HNRNPA0: variants seen among roughly 807,000 people sequenced by gnomAD.
HNRNPA0 encodes the protein hnRNA binding protein.
For synonymous variants in HNRNPA0, 243 were observed against 195.5 expected (o/e 1.24, Z -2.03); for missense variants, 252 against 433.7 (o/e 0.58, Z 3.72).
In HNRNPA0 at chr5:137,747,959, A is replaced by C. The variant is rs1031916616; in HGVS notation, c.*5190T>G. On this transcript the variant is annotated 3_prime_UTR_variant, in exon 1 of 1. Coordinates refer to ENST00000314940, the MANE Select transcript of HNRNPA0 (RefSeq NM_006805.4). ...GGAGCGAAACAACTAGAATTGGTCA[A>C]ACTTGGATTCAACTCTCAGTTCTAC... The C allele has an allele frequency of 6.6e-6, 1 of 152,200 alleles. No homozygotes were observed. Among genetic ancestry groups the C allele is most frequent in the Non-Finnish European group, 1.5e-5 (1 of 68,032 alleles). The allele number at this position is 152,200 out of a possible 1,614,324, so 9.4% of individuals were successfully genotyped here. A position where few individuals can be genotyped will look rare whatever the true frequency, so the allele number is the denominator to read the frequency against.
Position 137,753,200 on chromosome 5 carries a change from A to G in HNRNPA0, c.867T>C (p.Pro289=). 1 of 1,613,420 alleles carries G rather than the reference A, an allele frequency of 6.2e-7. No individual in the cohort carries two copies. Among genetic ancestry groups the G allele is most frequent in the Non-Finnish European group, 8.5e-7 (1 of 1,179,852 alleles). ...CCCCACCGCCATAGCCGCCTCTGTA[A>G]GGTCCACTATTACTGCGACCGCCCC... ...SSWGGRSNSG[P]YRGGYGGGGG... Residue 289 remains proline (P), a synonymous_variant, in exon 1 of 1, where the codon CCT becomes CCC. Transcript: ENST00000314940. This position sits in a 1 kb window ranked among gnomAD's most constrained non-coding sequence, Gnocchi z 6.1.
In HNRNPA0 at chr5:137,753,157, A is replaced by T. The variant is rs535021229; in HGVS notation, c.910T>A (p.Ser304Thr). Reference sequence around the variant, plus strand: ...GCATTTTAAATTTTCTTTTAGAAGGAGCTGCCTCCATAGCCACCCCCACCG... The same window carrying T: ...GCATTTTAAATTTTCTTTTAGAAGGTGCTGCCTCCATAGCCACCCCCACCG... ...YGGGGGYGGS[S>T]F The change falls in exon 1 of 1, where the codon TCC becomes ACC. Residue 304 changes from serine to threonine, a missense_variant. By Grantham distance (58) the Ser-to-Thr change is moderately conservative. Coordinates refer to ENST00000314940, the MANE Select transcript of HNRNPA0 (RefSeq NM_006805.4). The surrounding 1 kb of genome is among the most constrained non-coding windows in gnomAD (Gnocchi z 6.1). 1.2e-6 allele frequency: 2 copies of T among 1,612,582 alleles called. No homozygotes were observed. The highest frequency in any genetic ancestry group is 1.7e-5 in the Admixed American group (1 of 59,926).
Position 137,751,076 on chromosome 5 carries a change from C to T in HNRNPA0, c.*2073G>A, listed in dbSNP as rs1753488426. The stretch of plus-strand genomic sequence containing the variant: ...AGTAGCCCACATGTAATTTGTGTAT[C>T]ACTAGAATTAAAAAATAAGACAGAA... On this transcript the variant is annotated 3_prime_UTR_variant, in exon 1 of 1. Transcript: ENST00000314940. 1 of 152,020 alleles carries T rather than the reference C, an allele frequency of 6.6e-6. No individual in the cohort carries two copies. Among genetic ancestry groups the T allele is most frequent in the African/African-American group, 2.4e-5 (1 of 41,370 alleles). The allele number at this position is 152,020 out of a possible 1,614,324, so 9.4% of individuals were successfully genotyped here.
Position 137,754,223 on chromosome 5 carries a change from G to A in HNRNPA0, c.-157C>T. 5 of 979,914 alleles carry A rather than the reference G, an allele frequency of 5.1e-6. No individual in the cohort carries two copies. In the South Asian group the frequency reaches 7.2e-5, roughly 14 times the overall value. The allele number at this position is 979,914 out of a possible 1,614,324, so 60.7% of individuals were successfully genotyped here. On this transcript the variant is annotated 5_prime_UTR_variant, in exon 1 of 1. Transcript: ENST00000314940. ...GGGAAGGGAAAAAGGGAAGGGGAGGGAAGGAAGGAAGAGAGGAAGGGGGAG... is the reference window on the plus strand; with the variant it reads ...GGGAAGGGAAAAAGGGAAGGGGAGGAAAGGAAGGAAGAGAGGAAGGGGGAG...
In HNRNPA0 at chr5:137,753,180, C is replaced by A; in HGVS notation, c.887G>T (p.Gly296Val). The change falls in exon 1 of 1, where the codon GGT (glycine) becomes GTT (valine). Residue 296 changes from glycine to valine, a missense_variant. Coordinates refer to ENST00000314940, the MANE Select transcript of HNRNPA0 (RefSeq NM_006805.4). The surrounding 1 kb of genome is among the most constrained non-coding windows in gnomAD (Gnocchi z 6.1). ...NSGPYRGGYG[G>V]GGGYGGSSF ...GGAGCTGCCTCCATAGCCACCCCCA[C>A]CGCCATAGCCGCCTCTGTAAGGTCC... 8 of 1,613,456 alleles carry A rather than the reference C, an allele frequency of 5.0e-6. No homozygotes were observed. Among genetic ancestry groups the A allele is most frequent in the South Asian group, 4.4e-5 (4 of 91,072 alleles).
In HNRNPA0 at chr5:137,751,798, C is replaced by T. The variant is rs1561629242; in HGVS notation, c.*1351G>A. 1 of 152,634 alleles carries T rather than the reference C, an allele frequency of 6.6e-6. No individual in the cohort carries two copies. The highest frequency in any genetic ancestry group is 1.5e-5 in the Non-Finnish European group (1 of 68,042). The allele number at this position is 152,634 out of a possible 1,614,324, so 9.5% of individuals were successfully genotyped here. A position where few individuals can be genotyped will look rare whatever the true frequency, so the allele number is the denominator to read the frequency against. ...AAAATACCAGTATACGTAGCTGGTT[C>T]ATTAGTTGTCATAGCAATTTAGGGC... is the stretch of plus-strand genomic sequence containing the variant. On this transcript the variant is annotated 3_prime_UTR_variant, in exon 1 of 1. Coordinates refer to ENST00000314940, the MANE Select transcript of HNRNPA0 (RefSeq NM_006805.4).
rs955757713 is a variant in HNRNPA0, at chr5:137,748,794, A to T, written c.*4355T>A. On this transcript the variant is annotated 3_prime_UTR_variant, in exon 1 of 1. Transcript: ENST00000314940. ...ATGAAGCAAATTACATTTGCAACGT[A>T]AGCATCAAAGACAAAATACACCTTT... The T allele has an allele frequency of 6.6e-6, 1 of 152,190 alleles. No individual in the cohort carries two copies. The allele number at this position is 152,190 out of a possible 1,614,324, so 9.4% of individuals were successfully genotyped here. A position where few individuals can be genotyped will look rare whatever the true frequency, so the allele number is the denominator to read the frequency against.
Position 137,754,301 on chromosome 5 carries a change from C to G in HNRNPA0, c.-235G>C, listed in dbSNP as rs1039098194. On this transcript the variant is annotated 5_prime_UTR_variant, in exon 1 of 1. Coordinates refer to ENST00000314940, the MANE Select transcript of HNRNPA0 (RefSeq NM_006805.4). ...CGAGCCGAGGAGACTGGAAGACAAC[C>G]AAGGCCACCGCTACCGCCGCCGCCG... 1.4e-5 allele frequency: 8 copies of G among 559,162 alleles called. No individual in the cohort carries two copies. Among genetic ancestry groups the G allele is most frequent in the African/African-American group, 1.3e-4 (7 of 53,136 alleles). 34.6% of individuals were successfully genotyped at this position (559,162 alleles called of 1,614,324 possible). A position where few individuals can be genotyped will look rare whatever the true frequency, so the allele number is the denominator to read the frequency against.
In HNRNPA0 at chr5:137,753,369, G is replaced by C; in HGVS notation, c.698C>G (p.Ala233Gly). ...CGAACCGCCGCCGCCGCCTCCGTAG[G>C]CATTGTAGCCGCCGCCTCCGCCGCC... The part of the protein sequence containing the change: ...YGGGGGGGYN[A>G]YGGGGGGSSY... Residue 233 changes from alanine to glycine, a missense_variant, in exon 1 of 1, where the codon GCC (alanine) becomes GGC (glycine). Coordinates refer to ENST00000314940, the MANE Select transcript of HNRNPA0 (RefSeq NM_006805.4). The surrounding 1 kb of genome is among the most constrained non-coding windows in gnomAD (Gnocchi z 6.1). 1 of 1,544,904 alleles carries C rather than the reference G, an allele frequency of 6.5e-7. No homozygotes were observed. Among genetic ancestry groups the C allele is most frequent in the Non-Finnish European group, 8.7e-7 (1 of 1,145,138 alleles).
In HNRNPA0 at chr5:137,753,311, G is replaced by T. The variant is rs772116706; in HGVS notation, c.756C>A (p.Phe252Leu). 1.3e-6 allele frequency: 2 copies of T among 1,568,814 alleles called. No individual in the cohort carries two copies. Among genetic ancestry groups the T allele is most frequent in the Non-Finnish European group, 1.7e-6 (2 of 1,157,558 alleles). The change falls in exon 1 of 1, where the codon TTC (phenylalanine) becomes TTA (leucine). Residue 252 changes from phenylalanine to leucine, a missense_variant. Transcript: ENST00000314940. The surrounding 1 kb of genome is among the most constrained non-coding windows in gnomAD (Gnocchi z 6.1). ...SYGGSDYGNG[F>L]GGFGSYSQHQ... ...GCTGGCTGTAGCTGCCGAAGCCGCC[G>T]AAGCCGTTACCGTAGTCGCTCCCAC...
chr5:137,754,191 A>C lies in HNRNPA0; in HGVS notation c.-125T>G. On this transcript the variant is annotated 5_prime_UTR_variant, in exon 1 of 1. Transcript: ENST00000314940. ...GTTGCTGGAGCCACCCCCGCCGCTC[A>C]CCGACGGGGAAGGGAAAAAGGGAAG... 1 of 1,278,092 alleles carries C rather than the reference A, an allele frequency of 7.8e-7. No homozygotes were observed. Among genetic ancestry groups the C allele is most frequent in the Non-Finnish European group, 1.1e-6 (1 of 948,936 alleles). The allele number at this position is 1,278,092 out of a possible 1,614,324, so 79.2% of individuals were successfully genotyped here. A position where few individuals can be genotyped will look rare whatever the true frequency, so the allele number is the denominator to read the frequency against.
rs1435831982 is a variant in HNRNPA0, at chr5:137,751,232, T to G, written c.*1917A>C. 1 of 150,854 alleles carries G rather than the reference T, an allele frequency of 6.6e-6. No individual in the cohort carries two copies. Among genetic ancestry groups the G allele is most frequent in the Non-Finnish European group, 1.5e-5 (1 of 67,818 alleles). The allele number at this position is 150,854 out of a possible 1,614,324, so 9.3% of individuals were successfully genotyped here. On this transcript the variant is annotated 3_prime_UTR_variant, in exon 1 of 1. Coordinates refer to ENST00000314940, the MANE Select transcript of HNRNPA0 (RefSeq NM_006805.4). ...TGTACCAACCATCCGCTACCCTTTG[T>G]CAAAATGACTACTGAGCAGCTATAA...
Position 137,753,566 on chromosome 5 carries a change from G to C in HNRNPA0, c.501C>G (p.Arg167=). The change falls in exon 1 of 1, where the codon CGC becomes CGG. Residue 167 remains arginine (R), a synonymous_variant. Coordinates refer to ENST00000314940, the MANE Select transcript of HNRNPA0 (RefSeq NM_006805.4). This position sits in a 1 kb window ranked among gnomAD's most constrained non-coding sequence, Gnocchi z 6.1. The part of the protein sequence containing the change: ...VVKFHPIQGH[R]VEVKKAVPKE... Reference sequence around the variant, plus strand: ...TGGGGACTGCTTTCTTCACCTCCACGCGATGGCCCTGAATCGGATGGAACT... The same window carrying C: ...TGGGGACTGCTTTCTTCACCTCCACCCGATGGCCCTGAATCGGATGGAACT... 1 of 1,613,514 alleles carries C rather than the reference G, an allele frequency of 6.2e-7. No homozygotes were observed. The highest frequency in any genetic ancestry group is 8.5e-7 in the Non-Finnish European group (1 of 1,179,576).
rs776575652 is a variant in HNRNPA0 at position 137,750,528 on chromosome 5, A to G, written c.*2621T>C. 9 of 152,164 alleles carry G rather than the reference A, an allele frequency of 5.9e-5. No individual in the cohort carries two copies. The highest frequency in any genetic ancestry group is 1.0e-4 in the Non-Finnish European group (7 of 68,000). The allele number at this position is 152,164 out of a possible 1,614,324, so 9.4% of individuals were successfully genotyped here. On this transcript the variant is annotated 3_prime_UTR_variant, in exon 1 of 1. Transcript: ENST00000314940. The stretch of plus-strand genomic sequence containing the variant: ...AATTATATTCAACACTAGGTTCTGT[A>G]CCACCTGCTCCCATGAACTCTTAAA...
Position 137,751,142 on chromosome 5 carries a change from G to C in HNRNPA0, c.*2007C>G, listed in dbSNP as rs1753490312. ...ACAACTATTTGAGAGCAAAGGATTT[G>C]ACTATGTATTACCTCAATGTGTAAA... On this transcript the variant is annotated 3_prime_UTR_variant, in exon 1 of 1. Transcript: ENST00000314940. 6.6e-6 allele frequency: 1 copy of C among 152,076 alleles called. No individual in the cohort carries two copies. Among genetic ancestry groups the C allele is most frequent in the African/African-American group, 2.4e-5 (1 of 41,408 alleles). The allele number at this position is 152,076 out of a possible 1,614,324, so 9.4% of individuals were successfully genotyped here. A position where few individuals can be genotyped will look rare whatever the true frequency, so the allele number is the denominator to read the frequency against.
At position 137,747,183 on chromosome 5, in the gene HNRNPA0, C is replaced by T. The variant is rs758224972; in HGVS notation, c.*5966G>A. ...AGCTGTGGCCACTCACAATCTCTTG[C>T]TAAGTATATGAGAAAGAGAAGGAGC... On this transcript the variant is annotated 3_prime_UTR_variant, in exon 1 of 1. Transcript: ENST00000314940. 1.3e-5 allele frequency: 2 copies of T among 152,158 alleles called. No individual in the cohort carries two copies. The highest frequency in any genetic ancestry group is 4.8e-5 in the African/African-American group (2 of 41,414). The allele number at this position is 152,158 out of a possible 1,614,324, so 9.4% of individuals were successfully genotyped here.
In HNRNPA0 at chr5:137,753,063, AG is replaced by A; in HGVS notation, c.*85del. On this transcript the variant is annotated 3_prime_UTR_variant, in exon 1 of 1. Coordinates refer to ENST00000314940, the MANE Select transcript of HNRNPA0 (RefSeq NM_006805.4). The surrounding 1 kb of genome is among the most constrained non-coding windows in gnomAD (Gnocchi z 6.1). Reference sequence around the variant, plus strand: ...CAAAACAGGGAAGGCGGTGTGTGTGAGGGGGTGGGGCTTAGGAGTTGACCCC... The same window carrying A: ...CAAAACAGGGAAGGCGGTGTGTGTGAGGGGTGGGGCTTAGGAGTTGACCCC... 1.4e-6 allele frequency: 2 copies of A among 1,394,772 alleles called. No homozygotes were observed. Among genetic ancestry groups the A allele is most frequent in the Admixed American group, 2.1e-5 (1 of 46,570 alleles). 86.4% of individuals were successfully genotyped at this position (1,394,772 alleles called of 1,614,324 possible). A position where few individuals can be genotyped will look rare whatever the true frequency, so the allele number is the denominator to read the frequency against.
Position 137,752,959 on chromosome 5 carries a change from G to A in HNRNPA0, c.*190C>T, listed in dbSNP as rs1420728514. 1 of 556,308 alleles carries A rather than the reference G, an allele frequency of 1.8e-6. No individual in the cohort carries two copies. Among genetic ancestry groups the A allele is most frequent in the Non-Finnish European group, 3.1e-6 (1 of 319,290 alleles). 34.5% of individuals were successfully genotyped at this position (556,308 alleles called of 1,614,324 possible). On this transcript the variant is annotated 3_prime_UTR_variant, in exon 1 of 1. Transcript: ENST00000314940. ...ATGTGGGGCCGAGTCCATCTTCAGA[G>A]GGAGAGACAAGAGAGGTGGCAGGCA...
rs956047915 is a variant in HNRNPA0 at position 137,748,250 on chromosome 5, C to T, written c.*4899G>A. 15 of 152,164 alleles carry T rather than the reference C, an allele frequency of 9.9e-5. No individual in the cohort carries two copies. The highest frequency in any genetic ancestry group is 1.3e-4 in the Admixed American group (2 of 15,278). The allele number at this position is 152,164 out of a possible 1,614,324, so 9.4% of individuals were successfully genotyped here. A position where few individuals can be genotyped will look rare whatever the true frequency, so the allele number is the denominator to read the frequency against. On this transcript the variant is annotated 3_prime_UTR_variant, in exon 1 of 1. Coordinates refer to ENST00000314940, the MANE Select transcript of HNRNPA0 (RefSeq NM_006805.4). ...ATGCTCCACAATGCCTCTCTTGATC[C>T]TTCTTCCTACCTGAAGTCACCTCTC...
Sources: gnomAD v4.1 joint callset for allele counts on GRCh38, gnomAD v4.1.1 for gene constraint, Gnocchi (gnomAD v3.1) non-coding constraint, MANE v1.5 for transcripts, NCBI Gene and HGNC (gene_info 2026-07-23, HGNC 2026-07-21) for gene names.